Variants in PBX1 observed in about 807,000 individuals in gnomAD.
The protein encoded by PBX1 is pre-B-cell leukemia transcription factor 1.
In PBX1, 6 loss-of-function variants were observed where a neutral mutation model predicts 53.4. The ratio of observed to expected loss-of-function variants is 0.11; its 90% CI spans 0.06 to 0.22. The LOEUF (loss-of-function observed/expected upper bound fraction) is 0.22. PBX1 is among the 10% of genes least tolerant of loss of function. PBX1 has a pLI of 1.00. For missense variants in PBX1, 251 were observed against 551.4 expected (o/e 0.46, Z 5.46); for synonymous variants, 204 against 212.3 (o/e 0.96, Z 0.34).
chr1:164,573,103 A>T (rs1653985636), intron 2 of PBX1, among the ~76,000 whole-genome samples: 1 of 152,176 alleles, frequency 6.6e-6, no homozygotes, highest in Admixed American at 6.5e-5. Flanking sequence ...TACATTTTCT[A>T]GTAGCCTCAT....
chr1:164,882,841 CATGCTATGCT>C (rs200106119), intron 2 of PBX1, among the ~76,000 whole-genome samples: 6 of 152,072 alleles, frequency 3.9e-5, no homozygotes, highest in East Asian at 1.9e-4. Context: ...AAATATGATA[CATGCTATGCT>C]ATGCTATGCT....
At chr1:164,567,548 T>G (rs1653521656) in intron 2 of PBX1, among the ~76,000 whole-genome samples, 1 of 152,210 alleles carries the variant, frequency 6.6e-6, no homozygotes, top group South Asian at 2.1e-4. Context: ...TACAGTGTGT[T>G]AAGGCAGAAG....
intron 2 of PBX1, among the ~76,000 whole-genome samples, chr1:164,861,996 A>T (rs1260347768): frequency 2.0e-5 from 3 of 152,204 alleles, no homozygotes; most frequent in Non-Finnish European, 4.4e-5. Context: ...GTCTAGTAAC[A>T]ACTTTAGCTA....
chr1:164,834,706 A>G (rs1670947835), intron 8 of PBX1, among the ~76,000 whole-genome samples: 1 of 152,300 alleles, frequency 6.6e-6, no homozygotes, highest in East Asian at 1.9e-4. Flanking sequence ...TTATTGTTGT[A>G]TTTTGAAAAG....
In PBX1 at chr1:164,826,299, G is replaced by A. The variant is rs570352427; in HGVS notation, c.1200+4673G>A. 3.9e-5 allele frequency among the ~76,000 whole-genome samples: 6 copies of A among 152,204 alleles called. 1 individual carries two copies. Among genetic ancestry groups the A allele is most frequent in the South Asian group, 2.1e-4 (1 of 4,818 alleles). ...AAATTATATCTTGAAACCCAAATGG[G>A]AAGGAAGAAGTGCTCTCGTTACACA... On this transcript the variant is annotated intron_variant, in intron 8 of 8. Coordinates refer to ENST00000420696, the MANE Select transcript of PBX1 (RefSeq NM_002585.4).
intron 2 of PBX1, among the ~76,000 whole-genome samples, chr1:164,748,289 G>T (rs375047090): frequency 6.6e-6 from 1 of 152,136 alleles, no homozygotes; most frequent in Non-Finnish European, 1.5e-5. Flanking sequence ...ATTGAGGTTC[G>T]ACTGACTTTC....
intron 2 of PBX1, among the ~76,000 whole-genome samples, chr1:164,687,368 T>C (rs749072006): frequency 6.6e-6 from 1 of 151,542 alleles, no homozygotes; most frequent in Non-Finnish European, 1.5e-5. Context: ...TCAAGACCGG[T>C]CTGGGCAACA....
intron 2 of PBX1, among the ~76,000 whole-genome samples, chr1:164,764,064 AC>A (rs1016362694): frequency 1.3e-5 from 2 of 152,178 alleles, no homozygotes; most frequent in African/African-American, 4.8e-5. Flanking sequence ...AGGGCTTCTT[AC>A]TGTCAAAACA....
chr1:164,668,565 CCTGCCAAAATCACTTGGCCA>C (rs771197447), intron 2 of PBX1, among the ~76,000 whole-genome samples: 129 of 152,264 alleles, frequency 8.5e-4, no homozygotes, highest in Admixed American at 1.8e-3. Context: ...GCCTCCGAGC[CCTGCCAAAATCACTTGGCCA>C]CAGCCCCAAG....
intron 2 of PBX1, among the ~76,000 whole-genome samples, chr1:164,687,653 T>C (rs182874252): frequency 8.9e-4 from 135 of 151,918 alleles, no homozygotes; most frequent in African/African-American, 3.0e-3. Context: ...CCAGCTTATG[T>C]GGCTACAGGG....
chr1:164,857,930 CAT>C (rs769598011), intron 2 of PBX1, among the ~76,000 whole-genome samples: 1 of 152,176 alleles, frequency 6.6e-6, no homozygotes, highest in Non-Finnish European at 1.5e-5. Context: ...AAATGCTAAA[CAT>C]GTGTTAGTTA....
chr1:164,563,534 C>G (rs1335008587), intron 2 of PBX1, among the ~76,000 whole-genome samples: 1 of 152,130 alleles, frequency 6.6e-6, no homozygotes, highest in Non-Finnish European at 1.5e-5. Context: ...TTCCAGAACT[C>G]TATTTCCAGC....
At chr1:164,829,887 A>G (rs772449197) in intron 8 of PBX1, 1 of 152,220 alleles carries the variant, frequency 6.6e-6, no homozygotes, top group African/African-American at 2.4e-5. Flanking sequence ...AATACTGATT[A>G]GCTGCTAGAT....
intron 2 of PBX1, among the ~76,000 whole-genome samples, chr1:164,624,084 C>T (rs1296422406): frequency 1.3e-5 from 2 of 152,180 alleles, no homozygotes; most frequent in African/African-American, 4.8e-5. Context: ...GTCTTGTCAT[C>T]ATTCCACTGT....
At chr1:164,647,795 A>G (rs1346538020) in intron 2 of PBX1, among the ~76,000 whole-genome samples, 1 of 146,610 alleles carries the variant, frequency 6.8e-6, no homozygotes, top group South Asian at 2.2e-4. Context: ...GAGCATCTGT[A>G]TTTTCTCAAA....
At position 164,764,577 on chromosome 1, in the gene PBX1, A is replaced by G. The variant is rs186811452; in HGVS notation, c.266-27917A>G. Among the ~76,000 whole-genome samples, 12 of 152,280 alleles carry G rather than the reference A, an allele frequency of 7.9e-5. No individual in the cohort carries two copies. The East Asian group carries it at 2.3e-3, about 29-fold the overall frequency. On this transcript the variant is annotated intron_variant, in intron 2 of 8. Transcript: ENST00000420696. ...TGCTGCCTGCACCATCACATATTTT[A>G]TTTAGACCACAGATGTTCAGTCTCA... is the stretch of plus-strand genomic sequence containing the variant.
intron 2 of PBX1, among the ~76,000 whole-genome samples, chr1:164,706,683 G>A (rs1663444071): frequency 6.6e-6 from 1 of 152,100 alleles, no homozygotes; most frequent in Non-Finnish European, 1.5e-5. Flanking sequence ...TGCTTTACAA[G>A]GTTAAATAAC....
chr1:164,680,766 T>G (rs1158183863), intron 2 of PBX1: 1 of 152,252 alleles, frequency 6.6e-6, no homozygotes, highest in Admixed American at 6.5e-5. Context: ...TTGGACACAA[T>G]GTAGAATAAA....
chr1:164,598,697 ACT>A (rs1160161436), intron 2 of PBX1, among the ~76,000 whole-genome samples: 8 of 152,192 alleles, frequency 5.3e-5, no homozygotes, highest in African/African-American at 1.9e-4. Flanking sequence ...TTCCAATGAC[ACT>A]CTGCCTTTTT....
Sources: allele counts gnomAD v4.1 joint callset (sites outside exome capture counted in the v4.1 genomes callset), GRCh38; gene constraint gnomAD v4.1.1; transcripts MANE v1.5; gene names NCBI Gene and HGNC (gene_info 2026-07-23, HGNC 2026-07-21).